The following CFD variants were observed in gnomAD, a reference collection of about 807,000 sequenced individuals.
The protein encoded by CFD is C3 convertase activator.
CFD carries 24 observed loss-of-function variants against 21.1 expected under a neutral mutation model. The observed-to-expected ratio is 1.14, with a 90% CI of 0.82 to 1.60. The LOEUF is 1.60. Ranked by LOEUF, CFD falls within the 40% of genes most tolerant of loss-of-function variation. The probability of loss-of-function intolerance (pLI) is 0.00; values close to 1 mark genes in which losing one functional copy is unlikely to be tolerated. For missense variants in CFD, 535 were observed against 383.3 expected (o/e 1.40, Z -3.31); for synonymous variants, 242 against 175.9 (o/e 1.38, Z -2.97).
chr19:860,807 G>C (rs1248293631), intron 2 of CFD, 34 bp downstream of exon 2: 1 of 1,556,482 alleles, frequency 6.4e-7, no homozygotes, highest in Non-Finnish European at 8.6e-7. Flanking sequence ...GAAGAGCCCG[G>C]GTGCGGTGGG....
rs2035775497 is a variant in CFD, at chr19:860,694, C to T, written c.133C>T (p.Leu45=). 2 of 1,550,776 alleles carry T rather than the reference C, an allele frequency of 1.3e-6. No individual in the cohort carries two copies. The stretch of plus-strand genomic sequence containing the variant: ...GCGGCCCTACATGGCGTCGGTGCAG[C>T]TGAACGGCGCGCACCTGTGCGGCGG... ...HARPYMASVQ[L]NGAHLCGGVL... The change falls in exon 2 of 5, where the codon CTG becomes TTG. Residue 45 remains leucine, a synonymous_variant. Coordinates refer to ENST00000327726, the MANE Select transcript of CFD (RefSeq NM_001928.4).
intron 4 of CFD, among the ~76,000 whole-genome samples, chr19:862,270 C>T (rs1599302548): frequency 2.2e-5 from 1 of 45,468 alleles, no homozygotes; most frequent in Non-Finnish European, 4.0e-5. Flanking sequence ...GTGGAAGGAC[C>T]TGTGGGTTAG....
At chr19:862,612 G>A (rs1413330792) in intron 4 of CFD, among the ~76,000 whole-genome samples, 4 of 151,854 alleles carry the variant, frequency 2.6e-5, no homozygotes, top group Admixed American at 6.6e-5. Context: ...GGGGTCCTGA[G>A]CAGGGCAGAG....
rs1599301483 is a variant in CFD, at chr19:861,595, T to C, written c.358-104T>C. On this transcript the variant is annotated intron_variant, in intron 3 of 4. Coordinates refer to ENST00000327726, the MANE Select transcript of CFD (RefSeq NM_001928.4). ...CCTGCTGCACTGAGACCCACGCCCCTGCCCTGATGCCCACCTCCCCCGTCC... is the reference window on the plus strand; with the variant it reads ...CCTGCTGCACTGAGACCCACGCCCCCGCCCTGATGCCCACCTCCCCCGTCC... 5 of 1,302,902 alleles carry C rather than the reference T, an allele frequency of 3.8e-6. No homozygotes were observed. The South Asian group carries it at 5.1e-5, about 13-fold the overall frequency. The allele number at this position is 1,302,902 out of a possible 1,614,324, so 80.7% of individuals were successfully genotyped here.
At chr19:862,718 A>T (rs1555711891) in intron 4 of CFD, among the ~76,000 whole-genome samples, 1 of 151,242 alleles carries the variant, frequency 6.6e-6, no homozygotes, top group Non-Finnish European at 1.5e-5. Context: ...GACTGAGCAG[A>T]GCAGGTGGCC....
In CFD at chr19:862,031, G is replaced by A. The variant is rs1031994986; in HGVS notation, c.615+75G>A. ...GGGCCTGCAGAGGGAGCGCGAAGCG[G>A]GGGGCAAGTAGGAACAGGGCCCAGG... On this transcript the variant is annotated intron_variant, in intron 4 of 4. Transcript: ENST00000327726. The A allele has an allele frequency of 1.8e-5, 27 of 1,492,888 alleles. No individual in the cohort carries two copies. The African/African-American group carries it at 2.8e-4, about 16-fold the overall frequency. The allele number at this position is 1,492,888 out of a possible 1,614,324, so 92.5% of individuals were successfully genotyped here. A position where few individuals can be genotyped will look rare whatever the true frequency, so the allele number is the denominator to read the frequency against.
chr19:861,962 C>T lies in CFD; in HGVS notation c.615+6C>T, dbSNP rs758990229. On this transcript the variant is annotated splice_donor_region_variant and intron_variant, in intron 4 of 4. Transcript: ENST00000327726. ...ATCGCCGGGACAGCTGCAAGGTGAG[C>T]CTTCAGGCCTGGGAGGAGACGCGGG... 10 of 1,540,848 alleles carry T rather than the reference C, an allele frequency of 6.5e-6. No individual in the cohort carries two copies. Among genetic ancestry groups the T allele is most frequent in the South Asian group, 2.4e-5 (2 of 84,712 alleles).
chr19:862,330 CGGGACTGCAAGGGGGCGAGGCCAGG>C (rs2035811424), intron 4 of CFD, among the ~76,000 whole-genome samples: 1 of 56,936 alleles, frequency 1.8e-5, no homozygotes, highest in Non-Finnish European at 3.2e-5. Flanking sequence ...CCAGTAATAG[CGGGACTGCAAGGGGGCGAGGCCAGG>C]AAGAGGGTTG....
rs1320590423 is a variant in CFD, at chr19:863,075, C to G, written c.616-17C>G. 4.0e-6 allele frequency: 6 copies of G among 1,513,910 alleles called. 1 individual carries two copies. In the South Asian group the frequency reaches 7.3e-5, roughly 18 times the overall value. 93.8% of individuals were successfully genotyped at this position (1,513,910 alleles called of 1,614,324 possible). A position where few individuals can be genotyped will look rare whatever the true frequency, so the allele number is the denominator to read the frequency against. ...TGGGCGCGGGCCGCCCCTCACGGCC[C>G]CGTCCTGTTCCGGCAGGGTGACTCC... On this transcript the variant is annotated splice_polypyrimidine_tract_variant and intron_variant, in intron 4 of 4. Coordinates refer to ENST00000327726, the MANE Select transcript of CFD (RefSeq NM_001928.4).
rs981361195 is a variant in CFD at position 863,144 on chromosome 19, C to G, written c.668C>G (p.Thr223Ser). The G allele has an allele frequency of 6.5e-7, 1 of 1,535,534 alleles. No individual in the cohort carries two copies. The highest frequency in any genetic ancestry group is 1.4e-5 in the African/African-American group (1 of 72,966). Residue 223 changes from threonine (T) to serine (S), a missense_variant, in exon 5 of 5, where the codon ACC (threonine) becomes AGC (serine). Physicochemically the swap from Thr to Ser is moderately conservative, Grantham distance 58. Transcript: ENST00000327726. ...VCGGVLEGVV[T>S]SGSRVCGNRK... ...GGGGGCGTGCTCGAGGGCGTGGTCACCTCGGGCTCGCGCGTTTGCGGCAAC... is the reference window on the plus strand; with the variant it reads ...GGGGGCGTGCTCGAGGGCGTGGTCAGCTCGGGCTCGCGCGTTTGCGGCAAC...
Position 861,738 on chromosome 19 carries a change from C to G in CFD, c.397C>G (p.Leu133Val), listed in dbSNP as rs1191017067. The part of the protein sequence containing the change: ...KATLGPAVRP[L>V]PWQRVDRDVA... Reference sequence around the variant, plus strand: ...CACACTGGGCCCTGCTGTGCGCCCCCTGCCCTGGCAGCGCGTGGACCGCGA... The same window carrying G: ...CACACTGGGCCCTGCTGTGCGCCCCGTGCCCTGGCAGCGCGTGGACCGCGA... Residue 133 changes from leucine to valine, a missense_variant, in exon 4 of 5, where the codon CTG becomes GTG. Coordinates refer to ENST00000327726, the MANE Select transcript of CFD (RefSeq NM_001928.4). 5 of 1,605,192 alleles carry G rather than the reference C, an allele frequency of 3.1e-6. No homozygotes were observed. The highest frequency in any genetic ancestry group is 4.2e-6 in the Non-Finnish European group (5 of 1,177,756).
chr19:861,915 C>A lies in CFD; in HGVS notation c.574C>A (p.Arg192Ser), dbSNP rs769805645. ...GCACCACGACGGCGCCATCACCGAG[C>A]GCTTGATGTGCGCGGAGAGCAATCG... ...RTHHDGAITE[R>S]LMCAESNRRD... The change falls in exon 4 of 5, where the codon CGC becomes AGC. Residue 192 changes from arginine to serine, a missense_variant. Physicochemically the swap from Arg to Ser is moderately radical, Grantham distance 110. Coordinates refer to ENST00000327726, the MANE Select transcript of CFD (RefSeq NM_001928.4). The A allele has an allele frequency of 6.4e-7, 1 of 1,571,904 alleles. No individual in the cohort carries two copies. The highest frequency in any genetic ancestry group is 1.1e-5 in the South Asian group (1 of 87,666).
chr19:862,872 G>A (rs1044869445), intron 4 of CFD, among the ~76,000 whole-genome samples: 5 of 151,466 alleles, frequency 3.3e-5, no homozygotes, highest in African/African-American at 1.2e-4. Flanking sequence ...GGCCAGAGGG[G>A]GTGTGGCCAG....
intron 1 of CFD, among the ~76,000 whole-genome samples, 164 bp from the exon 2 acceptor site, chr19:860,453 C>CG (rs2035770033): frequency 2.7e-5 from 4 of 150,444 alleles, no homozygotes; most frequent in Non-Finnish European, 3.0e-5. Flanking sequence ...CCCCCGCCCC[C>CG]GCGCGGCTTC....
Position 863,313 on chromosome 19 carries a change from G to A in CFD, c.*75G>A. On this transcript the variant is annotated 3_prime_UTR_variant, in exon 5 of 5. Transcript: ENST00000327726. ...AATGAAGTCATCCACTCCTGCATCT[G>A]GTTGGTCTTTATTGAGCACCTACTA... 2 of 1,516,928 alleles carry A rather than the reference G, an allele frequency of 1.3e-6. No homozygotes were observed. The highest frequency in any genetic ancestry group is 1.2e-5 in the South Asian group (1 of 83,674). The allele number at this position is 1,516,928 out of a possible 1,614,324, so 94.0% of individuals were successfully genotyped here. A position where few individuals can be genotyped will look rare whatever the true frequency, so the allele number is the denominator to read the frequency against.
In CFD at chr19:860,490, G is replaced by A. The variant is rs1391226907; in HGVS notation, c.56-127G>A. 14 of 970,188 alleles carry A rather than the reference G, an allele frequency of 1.4e-5. 1 individual carries two copies. The Admixed American group carries it at 2.2e-4, about 15-fold the overall frequency. 60.1% of individuals were successfully genotyped at this position (970,188 alleles called of 1,614,324 possible). ...CAAAGTGCTGGGATTACAGGCGTGA[G>A]CCACCGCGCCCAGAGATGGGATTCT... On this transcript the variant is annotated intron_variant, in intron 1 of 4. Transcript: ENST00000327726.
Position 863,393 on chromosome 19 carries a change from T to G in CFD, c.*155T>G, listed in dbSNP as rs2035839791. 1.2e-6 allele frequency: 1 copy of G among 857,426 alleles called. No individual in the cohort carries two copies. The highest frequency in any genetic ancestry group is 1.7e-5 in the African/African-American group (1 of 60,418). The allele number at this position is 857,426 out of a possible 1,614,324, so 53.1% of individuals were successfully genotyped here. A position where few individuals can be genotyped will look rare whatever the true frequency, so the allele number is the denominator to read the frequency against. On this transcript the variant is annotated 3_prime_UTR_variant, in exon 5 of 5. Transcript: ENST00000327726. ...ATCATTGGATCTCAGGAGTTCGAGA[T>G]CAGCATGGGCCACGTAGCGCGACTC...
intron 1 of CFD, among the ~76,000 whole-genome samples, chr19:860,315 C>T (rs2035766569): frequency 6.6e-6 from 1 of 151,906 alleles, no homozygotes; most frequent in African/African-American, 2.4e-5. Flanking sequence ...CTCAGCCTTC[C>T]GAATAGCTGA....
chr19:863,001 G>A (rs1393578498), intron 4 of CFD, 91 bp from the exon 5 acceptor site: 2 of 1,259,756 alleles, frequency 1.6e-6, no homozygotes, highest in African/African-American at 1.5e-5. Flanking sequence ...CGAGCATTGT[G>A]GGGCGGGAGC....
Sources: gnomAD v4.1 joint callset for allele counts (sites outside exome capture counted in the v4.1 genomes callset) on GRCh38, gnomAD v4.1.1 for gene constraint, MANE v1.5 for transcripts, NCBI Gene and HGNC (gene_info 2026-07-23, HGNC 2026-07-21) for gene names.